Variants in LAMA3 observed in about 807,000 individuals in gnomAD.
LAMA3 encodes laminin subunit alpha-3.
Under a neutral mutation model 402.0 loss-of-function variants are expected in LAMA3, and 281 were observed. The observed-to-expected ratio is 0.70, with a 90% CI of 0.63 to 0.77. The LOEUF (loss-of-function observed/expected upper bound fraction) is 0.77. LAMA3 is among the 30% of genes least tolerant of loss of function. LAMA3 has a pLI of 0.00. For synonymous variants in LAMA3, 1,431 were observed against 1,558.4 expected (o/e 0.92, Z 1.93); for missense variants, 3,840 against 4,215.5 (o/e 0.91, Z 2.47).
chr18:23,772,351 T>C (rs2062219321), intron 8 of LAMA3, among the ~76,000 whole-genome samples: 1 of 152,226 alleles, frequency 6.6e-6, no homozygotes, highest in African/African-American at 2.4e-5. Flanking sequence ...GATCTAAGTC[T>C]TAAACTCACT....
intron 12 of LAMA3, among the ~76,000 whole-genome samples, chr18:23,787,230 C>T (rs762842663): frequency 7.2e-5 from 11 of 152,126 alleles, no homozygotes; most frequent in Non-Finnish European, 1.6e-4. Flanking sequence ...TGCAGTGAGC[C>T]AAGATCGCAC....
At chr18:23,937,269 G>A (rs759472811) in intron 67 of LAMA3, among the ~76,000 whole-genome samples, 166 of 151,354 alleles carry the variant, frequency 1.1e-3, no homozygotes, top group Non-Finnish European at 1.4e-3. Flanking sequence ...GGGAGGCTGA[G>A]GCAGGAGAAT....
At chr18:23,740,934 C>T (rs1279733993) in intron 2 of LAMA3, among the ~76,000 whole-genome samples, 1 of 151,720 alleles carries the variant, frequency 6.6e-6, no homozygotes, top group Non-Finnish European at 1.5e-5. Context: ...AGTCAGTACT[C>T]CTTAGACCTA....
Position 23,773,605 on chromosome 18 carries a change from T to G in LAMA3, c.1273+18T>G, listed in dbSNP as rs778995600. ...CTGCATCCGTAAGTTTCATTTCAAG[T>G]TGGTGTATCTTAGCCTGTGTGTACT... On this transcript the variant is annotated intron_variant, in intron 9 of 74. Transcript: ENST00000313654. The G allele has an allele frequency of 6.6e-7, 1 of 1,516,290 alleles. No homozygotes were observed. The highest frequency in any genetic ancestry group is 1.2e-5 in the South Asian group (1 of 84,442). 93.9% of individuals were successfully genotyped at this position (1,516,290 alleles called of 1,614,324 possible). A position where few individuals can be genotyped will look rare whatever the true frequency, so the allele number is the denominator to read the frequency against.
intron 1 of LAMA3, among the ~76,000 whole-genome samples, chr18:23,698,537 A>G (rs1372233745): frequency 6.6e-6 from 1 of 152,088 alleles, no homozygotes; most frequent in Non-Finnish European, 1.5e-5. Context: ...CTGCACTGTC[A>G]CAGTAAGTTA....
chr18:23,690,776 ATTT>A (rs34003789), intron 1 of LAMA3, among the ~76,000 whole-genome samples: 3 of 128,134 alleles, frequency 2.3e-5, no homozygotes, highest in Non-Finnish European at 3.3e-5. Context: ...GTGCCTGGCA[ATTT>A]TTTTTTTTTT....
chr18:23,900,007 G>A (rs1223203081), intron 47 of LAMA3, among the ~76,000 whole-genome samples: 5 of 152,004 alleles, frequency 3.3e-5, no homozygotes, highest in African/African-American at 9.6e-5. Context: ...CACATATATC[G>A]AAGGTAATTT....
chr18:23,834,590 G>T (rs1490892665), intron 24 of LAMA3: 1 of 158,674 alleles, frequency 6.3e-6, no homozygotes, highest in Non-Finnish European at 1.4e-5. Context: ...AGAGCATGCT[G>T]TAATTAAAGA....
chr18:23,946,460 A>C, intron 70 of LAMA3, 176 bp downstream of exon 70: 1 of 745,658 alleles, frequency 1.3e-6, no homozygotes, highest in Non-Finnish European at 2.2e-6. Context: ...TCTTAACCCA[A>C]AGCCTTCATT....
intron 62 of LAMA3, among the ~76,000 whole-genome samples, chr18:23,925,670 C>T (rs888152863): frequency 6.6e-6 from 1 of 152,324 alleles, no homozygotes; most frequent in South Asian, 2.1e-4. Flanking sequence ...CACAACAACT[C>T]ATGCCCCAGT....
intron 47 of LAMA3, among the ~76,000 whole-genome samples, chr18:23,900,038 T>G (rs963712102): frequency 6.7e-6 from 1 of 148,842 alleles, no homozygotes. Flanking sequence ...TTTTAATAAT[T>G]CTGTGCATGA....
chr18:23,759,539 A>T (rs1317408176), intron 7 of LAMA3, among the ~76,000 whole-genome samples: 4 of 152,022 alleles, frequency 2.6e-5, no homozygotes, highest in African/African-American at 7.2e-5. Flanking sequence ...GGGATTACAG[A>T]CACCTGCCAC....
At chr18:23,763,892 A>T (rs574839807) in intron 8 of LAMA3, among the ~76,000 whole-genome samples, 1 of 152,328 alleles carries the variant, frequency 6.6e-6, no homozygotes, top group East Asian at 1.9e-4. Context: ...TTTCAGACAG[A>T]TTCTGAGTCT....
In LAMA3 at chr18:23,775,777, T is replaced by C; in HGVS notation, c.1274-15T>C. The C allele has an allele frequency of 6.2e-7, 1 of 1,613,972 alleles. No homozygotes were observed. Among genetic ancestry groups the C allele is most frequent in the Non-Finnish European group, 8.5e-7 (1 of 1,179,848 alleles). On this transcript the variant is annotated splice_polypyrimidine_tract_variant and intron_variant, in intron 9 of 74. Transcript: ENST00000313654. ...AGTGAAGGACGGATCCTTTGAAAACTGGGATTTCTCTTAGCCTGCAGCTGT... is the reference window on the plus strand; with the variant it reads ...AGTGAAGGACGGATCCTTTGAAAACCGGGATTTCTCTTAGCCTGCAGCTGT...
At chr18:23,939,664 A>G (rs773886053) in intron 68 of LAMA3, among the ~76,000 whole-genome samples, 4 of 152,242 alleles carry the variant, frequency 2.6e-5, no homozygotes, top group Non-Finnish European at 5.9e-5. Context: ...TCTAAAAATA[A>G]GGATGACATT....
intron 12 of LAMA3, among the ~76,000 whole-genome samples, chr18:23,797,795 G>A (rs956875307): frequency 1.3e-5 from 2 of 151,926 alleles, no homozygotes; most frequent in Non-Finnish European, 2.9e-5. Context: ...TGTAGTCCTG[G>A]ATTTATGTTT....
intron 12 of LAMA3, among the ~76,000 whole-genome samples, chr18:23,804,361 C>A (rs545504099): frequency 3.9e-5 from 6 of 152,300 alleles, no homozygotes; most frequent in African/African-American, 1.2e-4. Flanking sequence ...TGCTGCAGAG[C>A]CTTCCCTTGT....
At chr18:23,929,641 C>T (rs1011440738) in intron 64 of LAMA3, among the ~76,000 whole-genome samples, 2 of 152,094 alleles carry the variant, frequency 1.3e-5, no homozygotes, top group African/African-American at 4.8e-5. Context: ...TGGTGGCTGA[C>T]TCTGTAGCTC....
chr18:23,840,593 C>G (rs144355484), intron 27 of LAMA3, among the ~76,000 whole-genome samples: 118 of 151,842 alleles, frequency 7.8e-4, no homozygotes, highest in African/African-American at 2.7e-3. Context: ...TGCTATGTTG[C>G]CCAGGTTGGT....
Sources: gnomAD v4.1 joint callset for allele counts (sites outside exome capture counted in the v4.1 genomes callset) on GRCh38, gnomAD v4.1.1 for gene constraint, MANE v1.5 for transcripts, NCBI Gene and HGNC (gene_info 2026-07-23, HGNC 2026-07-21) for gene names.